Variants in UTP20 observed in about 807,000 individuals in gnomAD.
UTP20 encodes small subunit processome component 20 homolog.
In UTP20, 164 loss-of-function variants were observed where a neutral mutation model predicts 329.5. The ratio of observed to expected loss-of-function variants is 0.50; its 90% CI spans 0.44 to 0.57. The LOEUF (loss-of-function observed/expected upper bound fraction) is 0.57. Among genes scored for constraint, UTP20 ranks in the 20% least tolerant of loss-of-function variants. The pLI, the probability that UTP20 is intolerant of heterozygous loss-of-function variation, is 0.00. For missense variants in UTP20, 3,055 were observed against 3,284.2 expected, an observed-to-expected ratio of 0.93 and a Z score of 1.71; for synonymous variants, 1,151 against 1,159.3, an observed-to-expected ratio of 0.99 and a Z score of 0.14.
intron 5 of UTP20, among the ~76,000 whole-genome samples, chr12:101,288,240 C>T (rs1872022755): frequency 6.6e-6 from 1 of 152,168 alleles, no homozygotes; most frequent in Non-Finnish European, 1.5e-5. Context: ...TACCTGCTGT[C>T]AGCAAGGAAC....
chr12:101,321,770 G>C, intron 25 of UTP20, 141 bp downstream of exon 25: 1 of 1,103,872 alleles, frequency 9.1e-7, no homozygotes, highest in Non-Finnish European at 1.2e-6. Flanking sequence ...TTGGAGATGG[G>C]GTCTTGCTCT....
chr12:101,310,366 G>A (rs914567961), intron 19 of UTP20, among the ~76,000 whole-genome samples: 10 of 151,554 alleles, frequency 6.6e-5, no homozygotes, highest in Admixed American at 3.9e-4. Flanking sequence ...ACCTGAGGTC[G>A]GGAGTTCGAG....
In UTP20 at chr12:101,338,093, A is replaced by C. The variant is rs762081637; in HGVS notation, c.3684A>C (p.Glu1228Asp). The C allele has an allele frequency of 1.2e-5, 19 of 1,614,082 alleles. No homozygotes were observed. The South Asian group carries it at 1.8e-4, about 15-fold the overall frequency. ...CTAAACAGAAGCCTGGGCACCCAGA[A>C]TGTGATATCCTGACCAATGTTTTTG... ...LLAKQKPGHP[E>D]CDILTNVFAI... Residue 1228 changes from glutamate to aspartate, a missense_variant, in exon 30 of 62, where the codon GAA becomes GAC. Glu to Asp is a conservative substitution (Grantham distance 45). This residue lies in a region of UTP20 where 2,445 missense variants were observed against 2,575.5 expected (regional missense o/e 0.95). Transcript: ENST00000261637.
chr12:101,311,097 G>A (rs568708130), intron 19 of UTP20, among the ~76,000 whole-genome samples: 4 of 152,262 alleles, frequency 2.6e-5, no homozygotes, highest in South Asian at 4.1e-4. Flanking sequence ...CAACATACCT[G>A]TTGGTTTGTT....
At chr12:101,336,696 G>A (rs375688693) in intron 29 of UTP20, among the ~76,000 whole-genome samples, 3 of 152,140 alleles carry the variant, frequency 2.0e-5, no homozygotes, top group South Asian at 2.1e-4. Context: ...TCTTCATAAC[G>A]TATTATCCAC....
In UTP20 at chr12:101,291,879, T is replaced by G; in HGVS notation, c.1029T>G (p.Asp343Glu). The change falls in exon 9 of 62, where the codon GAT (aspartate) becomes GAG (glutamate). Residue 343 changes from aspartate (D) to glutamate (E), a missense_variant. Transcript: ENST00000261637. ...GGACAAAGATACCCACGCCTGCTGA[T>G]GTCTGTAAGGTGAGTTCCCAACTTA... Reference protein sequence around the residue: ...GSGTKIPTPADVCKVLSQTLQ... With the variant: ...GSGTKIPTPAEVCKVLSQTLQ... The G allele has an allele frequency of 1.9e-6, 3 of 1,612,472 alleles. No homozygotes were observed. The highest frequency in any genetic ancestry group is 2.5e-6 in the Non-Finnish European group (3 of 1,179,562).
chr12:101,332,856 T>G (rs1471865310), intron 27 of UTP20, among the ~76,000 whole-genome samples: 1 of 152,140 alleles, frequency 6.6e-6, no homozygotes, highest in Non-Finnish European at 1.5e-5. Flanking sequence ...TGGAAATAAA[T>G]AGAAAAATGG....
chr12:101,338,959 T>G lies in UTP20; in HGVS notation c.4013+2T>G. On this transcript the variant is annotated splice_donor_variant, in intron 31 of 61. Transcript: ENST00000261637. LOFTEE classifies it high-confidence loss of function. ...TAAAGAGCTTGGCATTCTTTCAAAGTAAGTGATATGTTGATACTTAAAAGA... is the reference window on the plus strand; with the variant it reads ...TAAAGAGCTTGGCATTCTTTCAAAGGAAGTGATATGTTGATACTTAAAAGA... The G allele has an allele frequency of 6.3e-7, 1 of 1,587,938 alleles. No homozygotes were observed. Among genetic ancestry groups the G allele is most frequent in the Non-Finnish European group, 8.5e-7 (1 of 1,173,328 alleles).
rs140110925 is a variant in UTP20 at position 101,290,355 on chromosome 12, A to C, written c.735+81A>C. ...GAAAAGAATGAGGCAAATGATGTGG[A>C]GGGAAGACAGCCTAGAGTACATAGC... On this transcript the variant is annotated intron_variant, in intron 7 of 61. Transcript: ENST00000261637. The C allele has an allele frequency of 3.1e-5, 46 of 1,480,856 alleles. No homozygotes were observed. The African/African-American group carries it at 6.0e-4, about 19-fold the overall frequency. 91.7% of individuals were successfully genotyped at this position (1,480,856 alleles called of 1,614,324 possible). A position where few individuals can be genotyped will look rare whatever the true frequency, so the allele number is the denominator to read the frequency against.
intron 21 of UTP20, among the ~76,000 whole-genome samples, chr12:101,312,524 C>T (rs1406224208): frequency 1.3e-5 from 2 of 152,156 alleles, no homozygotes; most frequent in Non-Finnish European, 2.9e-5. Flanking sequence ...TCACTGCAAC[C>T]TTCACCTCCC....
At chr12:101,365,670 G>A in intron 46 of UTP20, 45 bp downstream of exon 46, 1 of 1,458,306 alleles carries the variant, frequency 6.9e-7, no homozygotes, top group South Asian at 1.5e-5. Context: ...CTCTGCGTCT[G>A]ATAAGCCATT....
Position 101,371,080 on chromosome 12 carries a change from T to C in UTP20, c.6710T>C (p.Leu2237Ser). ...LLKAILSRKL[L>S]VPEIDEVMRK... ...TAGGCAATTTTATCAAGAAAGCTGT[T>C]GGTCCCAGAAATCGATGAGGTCATG... The change falls in exon 51 of 62, where the codon TTG becomes TCG. Residue 2237 changes from leucine to serine, a missense_variant. Around this residue, in one of 3 missense-constraint regions of UTP20, gnomAD observed 273 missense variants for 363.1 expected, o/e 0.75. Transcript: ENST00000261637. 1 of 1,614,068 alleles carries C rather than the reference T, an allele frequency of 6.2e-7. No homozygotes were observed. Among genetic ancestry groups the C allele is most frequent in the Non-Finnish European group, 8.5e-7 (1 of 1,179,978 alleles).
At chr12:101,290,391 G>T (rs1020266115) in intron 7 of UTP20, 117 bp downstream of exon 7, 4 of 1,246,544 alleles carry the variant, frequency 3.2e-6, no homozygotes, top group Admixed American at 3.0e-5. Flanking sequence ...ACTAGATGAG[G>T]AGTGTTGGGT....
chr12:101,354,843 G>A lies in UTP20; in HGVS notation c.5119G>A (p.Ala1707Thr). ...KIENEENAIEAIELPEPEAME... is the reference protein window; with the variant it reads ...KIENEENAIETIELPEPEAME... ...TTTATTAAACATAGACGCAATTGAA[G>A]CAATTGAGTTACCAGAGCCTGAGGC... The change falls in exon 41 of 62, where the codon GCA (alanine) becomes ACA (threonine). Residue 1707 changes from alanine (A) to threonine (T), a missense_variant. By Grantham distance (58) the Ala-to-Thr change is moderately conservative. Coordinates refer to ENST00000261637, the MANE Select transcript of UTP20 (RefSeq NM_014503.3). The A allele has an allele frequency of 2.5e-6, 4 of 1,613,140 alleles. No homozygotes were observed. The highest frequency in any genetic ancestry group is 3.4e-6 in the Non-Finnish European group (4 of 1,179,558).
intron 2 of UTP20, among the ~76,000 whole-genome samples, chr12:101,282,772 A>G (rs551352725): frequency 4.7e-4 from 71 of 152,322 alleles, no homozygotes; most frequent in African/African-American, 1.6e-3. Flanking sequence ...TGGAGATCCA[A>G]TCTCAGTTGT....
At chr12:101,376,736 G>A (rs1031084891) in intron 56 of UTP20, among the ~76,000 whole-genome samples, 14 of 152,132 alleles carry the variant, frequency 9.2e-5, no homozygotes, top group South Asian at 2.1e-4. Context: ...AACCTCCTCC[G>A]CCTTCCGGAT....
At chr12:101,314,212 G>A (rs1360534125) in intron 21 of UTP20, among the ~76,000 whole-genome samples, 4 of 152,140 alleles carry the variant, frequency 2.6e-5, no homozygotes, top group African/African-American at 9.7e-5. Flanking sequence ...GACTAAAGGC[G>A]GCAGTAAACA....
intron 47 of UTP20, 138 bp from the exon 48 acceptor site, chr12:101,367,722 A>T: frequency 3.1e-6 from 2 of 637,302 alleles, no homozygotes; most frequent in Non-Finnish European, 5.6e-6. Context: ...GCAGTTTGTC[A>T]TTCCTTAAAA....
At chr12:101,366,109 G>A (rs1870088376) in intron 46 of UTP20, among the ~76,000 whole-genome samples, 1 of 152,138 alleles carries the variant, frequency 6.6e-6, no homozygotes, top group Non-Finnish European at 1.5e-5. Context: ...CTGGGCACCT[G>A]TAATCCCAGC....
Sources: allele counts gnomAD v4.1 joint callset (sites outside exome capture counted in the v4.1 genomes callset), GRCh38; gene constraint gnomAD v4.1.1; regional missense constraint gnomAD v4.1.1; transcripts MANE v1.5; gene names NCBI Gene and HGNC (gene_info 2026-07-23, HGNC 2026-07-21).